Variants in TRPC5 observed in about 807,000 individuals in gnomAD.
TRPC5 encodes the protein short transient receptor potential channel 5.
TRPC5 carries 9 observed loss-of-function variants against 56.5 expected under a neutral mutation model. The observed-to-expected ratio is 0.16, with a 90% CI of 0.10 to 0.28. TRPC5 has a LOEUF of 0.28. TRPC5 is among the 10% of genes least tolerant of loss of function. The pLI, the probability that TRPC5 is intolerant of heterozygous loss-of-function variation, is 1.00. For missense variants in TRPC5, 469 were observed against 748.9 expected, an observed-to-expected ratio of 0.63 and a Z score of 4.36; for synonymous variants, 282 against 278.5, an observed-to-expected ratio of 1.01 and a Z score of -0.13.
At chrX:112,050,789 G>C (rs1309598708) in intron 1 of TRPC5, among the ~76,000 whole-genome samples, 1 of 111,986 alleles carries the variant, frequency 8.9e-6, no homozygotes, top group Non-Finnish European at 1.9e-5. Context: ...ACTTTGTTGG[G>C]TAGAAAGGAG....
intron 3 of TRPC5, among the ~76,000 whole-genome samples, chrX:111,909,896 C>G (rs961763998): frequency 9.0e-6 from 1 of 111,468 alleles, no homozygotes; most frequent in Non-Finnish European, 1.9e-5. Flanking sequence ...ATATGACAAG[C>G]AGATCCCCAT....
chrX:112,000,979 A>T (rs902859792), intron 1 of TRPC5, among the ~76,000 whole-genome samples: 1 of 112,337 alleles, frequency 8.9e-6, no homozygotes, highest in Non-Finnish European at 1.9e-5. Context: ...TGGTGCTATG[A>T]CACAACATTT....
At chrX:111,949,293 C>T (rs1440009066) in intron 2 of TRPC5, among the ~76,000 whole-genome samples, 1 of 112,022 alleles carries the variant, frequency 8.9e-6, no homozygotes, top group Admixed American at 9.5e-5. Flanking sequence ...GATTTCATGA[C>T]CAAGAACCCA....
At chrX:112,008,037 C>T (rs961307205) in intron 1 of TRPC5, among the ~76,000 whole-genome samples, 42 of 111,867 alleles carry the variant, frequency 3.8e-4, no homozygotes, top group Non-Finnish European at 6.6e-4. Flanking sequence ...CTCTAAATAG[C>T]ACCCTACAAA....
At chrX:111,789,599 A>G (rs1946001023) in intron 7 of TRPC5, among the ~76,000 whole-genome samples, 1 of 112,331 alleles carries the variant, frequency 8.9e-6, no homozygotes, top group Non-Finnish European at 1.9e-5. Flanking sequence ...TCTGCACAGC[A>G]AAGGAAACTA....
At chrX:111,944,303 T>TGTGAGAGAGAGAGAGAGA in intron 2 of TRPC5, among the ~76,000 whole-genome samples, 1 of 61,393 alleles carries the variant, frequency 1.6e-5, no homozygotes, top group Admixed American at 1.9e-4. Context: ...TGTGTGTGTG[T>TGTGAGAGAGAGAGAGAGA]GAGAGAGAGA....
chrX:111,853,762 T>C lies in TRPC5; in HGVS notation c.1237+8A>G, dbSNP rs1923149502. Reference sequence around the variant, plus strand: ...GTCTGGCCATAGGTCCTGGTCCCTTTGACTTACCTAGAACCCAAGGCAATA... The same window carrying C: ...GTCTGGCCATAGGTCCTGGTCCCTTCGACTTACCTAGAACCCAAGGCAATA... On this transcript the variant is annotated splice_region_variant and intron_variant, in intron 4 of 10. Coordinates refer to ENST00000262839, the MANE Select transcript of TRPC5 (RefSeq NM_012471.3). The C allele has an allele frequency of 1.7e-6, 2 of 1,206,629 alleles. No individual in the cohort carries two copies. Among genetic ancestry groups the C allele is most frequent in the Non-Finnish European group, 2.2e-6 (2 of 892,972 alleles).
At chrX:111,892,123 TAGA>T (rs1924835664) in intron 3 of TRPC5, among the ~76,000 whole-genome samples, 1 of 112,164 alleles carries the variant, frequency 8.9e-6, no homozygotes, top group Non-Finnish European at 1.9e-5. Context: ...CACAGAAACA[TAGA>T]GGAGGCCACA....
chrX:111,865,725 A>G (rs909140274), intron 3 of TRPC5, among the ~76,000 whole-genome samples: 1 of 111,951 alleles, frequency 8.9e-6, no homozygotes, highest in Non-Finnish European at 1.9e-5. Flanking sequence ...CTGGTACAAG[A>G]TGAATGCTGA....
rs1252658780 is a variant in TRPC5, at chrX:112,064,615, A to G, written c.-22+17264T>C. Among the ~76,000 whole-genome samples the G allele has an allele frequency of 2.7e-5, 3 of 112,061 alleles. No homozygotes were observed. In the East Asian group the frequency reaches 8.4e-4, roughly 31 times the overall value. On this transcript the variant is annotated intron_variant, in intron 1 of 10. Coordinates refer to ENST00000262839, the MANE Select transcript of TRPC5 (RefSeq NM_012471.3). ...CCAAGCCTCTGGCTTGTCCATAATC[A>G]TTGACTGACTTTCCCTAAGCATCTA... is the stretch of plus-strand genomic sequence containing the variant.
chrX:112,018,540 TGAA>T (rs1929187775), intron 1 of TRPC5, among the ~76,000 whole-genome samples: 1 of 112,214 alleles, frequency 8.9e-6, no homozygotes, highest in South Asian at 3.7e-4. Context: ...AGAAGAGATG[TGAA>T]GAAGAATAAA....
At chrX:111,820,814 T>G (rs892005374) in intron 7 of TRPC5, among the ~76,000 whole-genome samples, 5 of 112,504 alleles carry the variant, frequency 4.4e-5, no homozygotes, top group Admixed American at 9.4e-5. Flanking sequence ...TCAATAAATA[T>G]TAAAAGAAAG....
rs2147754036 is a variant in TRPC5 at position 112,082,469 on chromosome X, G to A, written c.-612C>T. The A allele has an allele frequency of 9.0e-6, 1 of 111,032 alleles. No homozygotes were observed. The highest frequency in any genetic ancestry group is 9.5e-5 in the Admixed American group (1 of 10,506). 9.2% of individuals were successfully genotyped at this position (111,032 alleles called of 1,213,427 possible). A position where few individuals can be genotyped will look rare whatever the true frequency, so the allele number is the denominator to read the frequency against. On this transcript the variant is annotated 5_prime_UTR_variant, in exon 1 of 11. Transcript: ENST00000262839. ...ACTCAAGCTCCAGCTGTTAGGTAGC[G>A]GCTGGCGGGAGCGCTGGCTACCCCT... is the stretch of plus-strand genomic sequence containing the variant.
chrX:111,809,562 C>A (rs1446228785), intron 7 of TRPC5, among the ~76,000 whole-genome samples: 1 of 112,009 alleles, frequency 8.9e-6, no homozygotes, highest in Non-Finnish European at 1.9e-5. Context: ...GTCGGGAATG[C>A]GTGACTGTCT....
intron 3 of TRPC5, among the ~76,000 whole-genome samples, chrX:111,908,650 A>G (rs903929667): frequency 8.9e-6 from 1 of 111,959 alleles, no homozygotes; most frequent in Non-Finnish European, 1.9e-5. Context: ...CATTTATTTG[A>G]TTCACAAATA....
At chrX:111,826,608 A>C (rs2148573539) in intron 7 of TRPC5, among the ~76,000 whole-genome samples, 1 of 112,807 alleles carries the variant, frequency 8.9e-6, no homozygotes, top group Admixed American at 9.4e-5. Flanking sequence ...CAATGTCATG[A>C]TATGCCTACA....
At chrX:111,782,202 T>C (rs1203862076) in intron 7 of TRPC5, 64 bp from the exon 8 acceptor site, 1 of 984,571 alleles carries the variant, frequency 1.0e-6, no homozygotes, top group African/African-American at 1.9e-5. Flanking sequence ...TCACTTCTTA[T>C]TCTAAACTTT....
chrX:111,921,898 T>G (rs1045512552), intron 2 of TRPC5, among the ~76,000 whole-genome samples: 4 of 112,098 alleles, frequency 3.6e-5, no homozygotes, highest in African/African-American at 9.7e-5. Context: ...TCAAGGATCC[T>G]TCTGGATGAA....
chrX:111,908,590 T>C, intron 3 of TRPC5, among the ~76,000 whole-genome samples: 1 of 111,118 alleles, frequency 9.0e-6, no homozygotes, highest in South Asian at 3.9e-4. Context: ...GGAGCTAGAG[T>C]TTGATGTGAC....
Sources: gnomAD v4.1 joint callset for allele counts (sites outside exome capture counted in the v4.1 genomes callset) on GRCh38, gnomAD v4.1.1 for gene constraint, MANE v1.5 for transcripts, NCBI Gene and HGNC (gene_info 2026-07-23, HGNC 2026-07-21) for gene names.